The following PI4K2B variants were observed in gnomAD, a reference collection of about 807,000 sequenced individuals.
PI4K2B encodes phosphatidylinositol 4-kinase type 2 beta.
In PI4K2B, 46 loss-of-function variants were observed where a neutral mutation model predicts 56.6. That is an observed-to-expected ratio of 0.81 (90% CI 0.64 to 1.04). PI4K2B has a LOEUF of 1.04. Among genes scored for constraint, PI4K2B ranks in the 50% least tolerant of loss-of-function variants. The pLI, the probability that PI4K2B is intolerant of heterozygous loss-of-function variation, is 0.00. For synonymous variants in PI4K2B, 211 were observed against 223.8 expected, an observed-to-expected ratio of 0.94 and a Z score of 0.51; for missense variants, 556 against 607.7, an observed-to-expected ratio of 0.91 and a Z score of 0.89.
At chr4:25,237,979 C>A (rs561412042) in intron 1 of PI4K2B, among the ~76,000 whole-genome samples, 1 of 152,248 alleles carries the variant, frequency 6.6e-6, no homozygotes, top group East Asian at 1.9e-4. Flanking sequence ...TGTTAGAGAG[C>A]CTAACAGTTA....
chr4:25,234,066 T>G lies in PI4K2B; in HGVS notation c.-98T>G. On this transcript the variant is annotated 5_prime_UTR_variant, in exon 1 of 10. Coordinates refer to ENST00000264864, the MANE Select transcript of PI4K2B (RefSeq NM_018323.4). Reference sequence around the variant, plus strand: ...CCGTGCGCTGGTGAGGTGGCGTCCGTTCTACCCGGTCGCTCCCGTTCCGCG... The same window carrying G: ...CCGTGCGCTGGTGAGGTGGCGTCCGGTCTACCCGGTCGCTCCCGTTCCGCG... The G allele has an allele frequency of 9.4e-7, 1 of 1,062,596 alleles. No homozygotes were observed. Among genetic ancestry groups the G allele is most frequent in the Non-Finnish European group, 1.2e-6 (1 of 832,408 alleles). The allele number at this position is 1,062,596 out of a possible 1,614,324, so 65.8% of individuals were successfully genotyped here. A position where few individuals can be genotyped will look rare whatever the true frequency, so the allele number is the denominator to read the frequency against.
chr4:25,239,012 C>T (rs556621770), intron 1 of PI4K2B, among the ~76,000 whole-genome samples: 11 of 152,264 alleles, frequency 7.2e-5, no homozygotes, highest in Admixed American at 3.3e-4. Context: ...GAGCTAGACA[C>T]AAAAGTTCTC....
chr4:25,266,970 A>T (rs996565149), intron 7 of PI4K2B, among the ~76,000 whole-genome samples: 1 of 152,212 alleles, frequency 6.6e-6, no homozygotes, highest in Non-Finnish European at 1.5e-5. Context: ...ATCAGGGGTA[A>T]CAGTGACATT....
intron 1 of PI4K2B, among the ~76,000 whole-genome samples, chr4:25,248,198 A>G (rs1376462853): frequency 6.6e-6 from 1 of 152,228 alleles, no homozygotes; most frequent in Non-Finnish European, 1.5e-5. Context: ...TGTGCTAAAT[A>G]AAAAAGGTTA....
intron 5 of PI4K2B, 32 bp from the exon 6 acceptor site, chr4:25,260,492 G>A (rs753369667): frequency 5.0e-6 from 5 of 995,730 alleles, no homozygotes; most frequent in South Asian, 3.7e-5. Flanking sequence ...CCATAGAAAT[G>A]AAGTAACAGA....
At chr4:25,261,497 G>A (rs1468163595) in intron 6 of PI4K2B, among the ~76,000 whole-genome samples, 4 of 151,984 alleles carry the variant, frequency 2.6e-5, no homozygotes, top group Non-Finnish European at 4.4e-5. Context: ...GTACATTTGG[G>A]AAAGTTTTAA....
intron 1 of PI4K2B, among the ~76,000 whole-genome samples, chr4:25,236,028 G>C (rs1396107231): frequency 6.6e-6 from 1 of 152,038 alleles, no homozygotes; most frequent in Non-Finnish European, 1.5e-5. Context: ...AATTCAAAGT[G>C]AGGATAGAGT....
chr4:25,234,187 C>T lies in PI4K2B; in HGVS notation c.24C>T (p.Asp8=). 2.1e-6 allele frequency: 3 copies of T among 1,401,442 alleles called. No individual in the cohort carries two copies. The highest frequency in any genetic ancestry group is 2.8e-6 in the Non-Finnish European group (3 of 1,077,036). 86.8% of individuals were successfully genotyped at this position (1,401,442 alleles called of 1,614,324 possible). A position where few individuals can be genotyped will look rare whatever the true frequency, so the allele number is the denominator to read the frequency against. Reference sequence around the variant, plus strand: ...CCATGGAGGATCCCTCCGAGCCCGACCGGTTGGCGTCCGCGGACGGCGGGA... The same window carrying T: ...CCATGGAGGATCCCTCCGAGCCCGATCGGTTGGCGTCCGCGGACGGCGGGA... MEDPSEP[D]RLASADGGSP... is the part of the protein sequence containing the mutation. The change falls in exon 1 of 10, where the codon GAC becomes GAT. Residue 8 remains aspartate (D), a synonymous_variant. Transcript: ENST00000264864.
intron 9 of PI4K2B, among the ~76,000 whole-genome samples, chr4:25,272,930 C>T (rs1270020845): frequency 6.6e-6 from 1 of 152,026 alleles, no homozygotes; most frequent in African/African-American, 2.4e-5. Context: ...TTCCTCAAGT[C>T]AAAATACTTG....
At chr4:25,248,743 A>G (rs1031053702) in intron 1 of PI4K2B, among the ~76,000 whole-genome samples, 1 of 151,820 alleles carries the variant, frequency 6.6e-6, no homozygotes, top group Non-Finnish European at 1.5e-5. Context: ...TTTAGATAGC[A>G]TAGTAAGAAT....
At chr4:25,235,734 T>A (rs1445347687) in intron 1 of PI4K2B, among the ~76,000 whole-genome samples, 1 of 152,204 alleles carries the variant, frequency 6.6e-6, no homozygotes, top group Non-Finnish European at 1.5e-5. Context: ...CCTTTTTCTG[T>A]CCCTTACCTT....
intron 9 of PI4K2B, among the ~76,000 whole-genome samples, chr4:25,275,550 C>A (rs1055803992): frequency 1.5e-4 from 23 of 152,032 alleles, no homozygotes; most frequent in African/African-American, 4.6e-4. Context: ...GGCCCAGCTA[C>A]TCTGGAGTCT....
At chr4:25,244,759 G>A (rs138044418) in intron 1 of PI4K2B, among the ~76,000 whole-genome samples, 6,430 of 152,090 alleles carry the variant, frequency 0.042, 192 homozygotes, top group East Asian at 0.15. Context: ...CCTGCTGATC[G>A]GAATAGTTGC....
intron 1 of PI4K2B, among the ~76,000 whole-genome samples, chr4:25,246,978 G>T (rs1715814425): frequency 1.3e-5 from 2 of 152,238 alleles, no homozygotes; most frequent in African/African-American, 4.8e-5. Flanking sequence ...TGCAGCTCCA[G>T]TTCCCACCCG....
At chr4:25,244,326 T>C (rs1715666919) in intron 1 of PI4K2B, among the ~76,000 whole-genome samples, 1 of 152,122 alleles carries the variant, frequency 6.6e-6, no homozygotes, top group Non-Finnish European at 1.5e-5. Flanking sequence ...AGGGGAGCTA[T>C]AGGGAGGCTA....
intron 5 of PI4K2B, among the ~76,000 whole-genome samples, chr4:25,260,019 T>A (rs1716401583): frequency 6.6e-6 from 1 of 152,246 alleles, no homozygotes. Flanking sequence ...TTCTGAAGTT[T>A]GAGAACCACT....
chr4:25,246,675 G>A (rs1369803015), intron 1 of PI4K2B, among the ~76,000 whole-genome samples: 3 of 152,228 alleles, frequency 2.0e-5, no homozygotes, highest in Admixed American at 1.3e-4. Context: ...GGAGCAGAGG[G>A]TGGTGCTTGT....
intron 7 of PI4K2B, among the ~76,000 whole-genome samples, chr4:25,267,386 A>G (rs1250310742): frequency 6.6e-6 from 1 of 152,246 alleles, no homozygotes; most frequent in Non-Finnish European, 1.5e-5. Flanking sequence ...ACTGTGTGCA[A>G]TGAGATAGAT....
intron 1 of PI4K2B, among the ~76,000 whole-genome samples, chr4:25,246,479 C>T (rs1034389291): frequency 1.1e-4 from 16 of 152,228 alleles, no homozygotes; most frequent in African/African-American, 3.6e-4. Flanking sequence ...ATACAGAGTG[C>T]TGATTGGTGT....
Sources: allele counts gnomAD v4.1 joint callset (sites outside exome capture counted in the v4.1 genomes callset), GRCh38; gene constraint gnomAD v4.1.1; transcripts MANE v1.5; gene names NCBI Gene and HGNC (gene_info 2026-07-23, HGNC 2026-07-21).